Variants in HCFC2 observed in about 807,000 individuals in gnomAD.
HCFC2 encodes host cell factor C2.
In HCFC2, 18 loss-of-function variants were observed where a neutral mutation model predicts 89.2. The ratio of observed to expected loss-of-function variants is 0.20; its 90% CI spans 0.14 to 0.30. The LOEUF (loss-of-function observed/expected upper bound fraction) is 0.30, where lower values mean the gene tolerates loss of function less well. HCFC2 is among the 10% of genes least tolerant of loss of function. The pLI, the probability that HCFC2 is intolerant of heterozygous loss-of-function variation, is 1.00. For missense variants in HCFC2, 578 were observed against 956.1 expected (o/e 0.60, Z 5.21); for synonymous variants, 308 against 335.7 (o/e 0.92, Z 0.90).
rs1417398144 is a variant in HCFC2 at position 104,095,178 on chromosome 12, T to A, written c.1463-182T>A. On this transcript the variant is annotated intron_variant, in intron 10 of 14. Transcript: ENST00000229330. The surrounding 1 kb of genome is among the most constrained non-coding windows in gnomAD (Gnocchi z 4.2). The stretch of plus-strand genomic sequence containing the variant: ...TAAAAAGTTGGATATCCATTATGGA[T>A]ATAATGCACTTTATTTTTCTAAACA... Among the ~76,000 whole-genome samples the A allele has an allele frequency of 6.6e-6, 1 of 152,174 alleles. No individual in the cohort carries two copies. Among genetic ancestry groups the A allele is most frequent in the Non-Finnish European group, 1.5e-5 (1 of 68,020 alleles).
rs184476139 is a variant in HCFC2 at position 104,093,400 on chromosome 12, A to G, written c.1299A>G (p.Ile433Met). The G allele has an allele frequency of 6.8e-5, 110 of 1,612,130 alleles. No individual in the cohort carries two copies. Among genetic ancestry groups the G allele is most frequent in the Non-Finnish European group, 3.3e-5 (39 of 1,178,990 alleles). Reference protein sequence around the residue: ...NIVPNSINDTINSTKTEQPAT... With the variant: ...NIVPNSINDTMNSTKTEQPAT... The stretch of plus-strand genomic sequence containing the variant: ...ATTTCTTGTAGATCAATGATACAAT[A>G]AACAGCACAAAAACTGAACAGCCAG... The change falls in exon 10 of 15, where the codon ATA becomes ATG. Residue 433 changes from isoleucine to methionine, a missense_variant. Physicochemically the swap from Ile to Met is conservative, Grantham distance 10. This residue lies in a region of HCFC2 where 210 missense variants were observed against 251.7 expected (regional missense o/e 0.83). Transcript: ENST00000229330.
At chr12:104,070,865 C>A (rs1021278474) in intron 3 of HCFC2, among the ~76,000 whole-genome samples, 3 of 138,802 alleles carry the variant, frequency 2.2e-5, no homozygotes, top group African/African-American at 8.1e-5. Context: ...AGTATAGTGG[C>A]GCGATCTCAG....
intron 2 of HCFC2, among the ~76,000 whole-genome samples, chr12:104,066,617 A>G (rs535003972): frequency 1.3e-5 from 2 of 152,326 alleles, no homozygotes; most frequent in East Asian, 3.9e-4. Flanking sequence ...TCAGTTGTAC[A>G]TGTTATATAT....
At chr12:104,084,073 T>C (rs1883761393) in intron 7 of HCFC2, among the ~76,000 whole-genome samples, 1 of 152,188 alleles carries the variant, frequency 6.6e-6, no homozygotes, top group Non-Finnish European at 1.5e-5. Flanking sequence ...TTTAAAAATG[T>C]GTACCTCACA....
At chr12:104,065,837 G>A (rs1398191674) in intron 1 of HCFC2, among the ~76,000 whole-genome samples, 1 of 152,162 alleles carries the variant, frequency 6.6e-6, no homozygotes, top group African/African-American at 2.4e-5. Context: ...CGTTTTGTAA[G>A]AATTAAATGA....
chr12:104,079,498 G>T lies in HCFC2; in HGVS notation c.527G>T (p.Gly176Val). Residue 176 changes from glycine (G) to valine (V), a missense_variant, in exon 4 of 15, where the codon GGT (glycine) becomes GTT (valine). By Grantham distance (109) the Gly-to-Val change is moderately radical. Transcript: ENST00000229330. ...CTACAGCATGGCTCTGGTGTTGTGG[G>T]TTGGAGCATTCCAGTGACTAAAGGG... ...LELQHGSGVVGWSIPVTKGVV... is the reference protein window; with the variant it reads ...LELQHGSGVVVWSIPVTKGVV... 1 of 1,614,144 alleles carries T rather than the reference G, an allele frequency of 6.2e-7. No homozygotes were observed. The highest frequency in any genetic ancestry group is 8.5e-7 in the Non-Finnish European group (1 of 1,179,998).
At chr12:104,089,007 T>C (rs1281459059) in intron 9 of HCFC2, among the ~76,000 whole-genome samples, 3 of 152,162 alleles carry the variant, frequency 2.0e-5, no homozygotes, top group Admixed American at 6.5e-5. Context: ...TGCACAGTTG[T>C]CCTTCTGTAT....
intron 3 of HCFC2, among the ~76,000 whole-genome samples, chr12:104,074,440 G>A (rs986800952): frequency 3.3e-5 from 5 of 152,192 alleles, no homozygotes; most frequent in African/African-American, 1.2e-4. Context: ...GATTACAGGC[G>A]TGAGCCGCCA....
chr12:104,088,514 GTTCT>G (rs1362463656), intron 9 of HCFC2, among the ~76,000 whole-genome samples: 2 of 152,176 alleles, frequency 1.3e-5, no homozygotes, highest in Non-Finnish European at 2.9e-5. Context: ...CACTTGTGAG[GTTCT>G]TTCTTGTTTA....
At chr12:104,072,385 A>AT (rs1883348867) in intron 3 of HCFC2, among the ~76,000 whole-genome samples, 1 of 150,022 alleles carries the variant, frequency 6.7e-6, no homozygotes, top group Non-Finnish European at 1.5e-5. Flanking sequence ...AAAAAAAAAA[A>AT]GTAAAATTTG....
At chr12:104,066,534 C>G (rs1386881774) in intron 2 of HCFC2, among the ~76,000 whole-genome samples, 1 of 152,170 alleles carries the variant, frequency 6.6e-6, no homozygotes, top group African/African-American at 2.4e-5. Context: ...ACTTAAAACC[C>G]AAAGTTTCCT....
chr12:104,091,977 A>G (rs1735155620), intron 9 of HCFC2, among the ~76,000 whole-genome samples: 1 of 152,230 alleles, frequency 6.6e-6, no homozygotes, highest in South Asian at 2.1e-4. Context: ...AGGGCATATT[A>G]TAGACAAGTA....
intron 3 of HCFC2, among the ~76,000 whole-genome samples, chr12:104,070,800 A>C (rs945842365): frequency 2.1e-5 from 3 of 140,986 alleles, no homozygotes; most frequent in Admixed American, 7.3e-5. Flanking sequence ...GATACTTTTT[A>C]CTTTTTTTTT....
chr12:104,064,713 C>T lies in HCFC2; in HGVS notation c.153C>T (p.Val51=). The T allele has an allele frequency of 1.3e-6, 2 of 1,561,410 alleles. No homozygotes were observed. The highest frequency in any genetic ancestry group is 1.2e-5 in the South Asian group (1 of 85,848). The change falls in exon 1 of 15, where the codon GTC becomes GTT. Residue 51 remains valine, a synonymous_variant. Transcript: ENST00000229330. The surrounding 1 kb of genome is among the most constrained non-coding windows in gnomAD (Gnocchi z 7.3). ...GNEGIADELH[V]YNTATNQWFL... The stretch of plus-strand genomic sequence containing the variant: ...AGGGCATCGCGGATGAGCTGCACGT[C>T]TACAACACGGGTAGGCGCGGCGGCG...
At chr12:104,091,966 C>G (rs1295439934) in intron 9 of HCFC2, among the ~76,000 whole-genome samples, 1 of 152,114 alleles carries the variant, frequency 6.6e-6, no homozygotes, top group Non-Finnish European at 1.5e-5. Context: ...AGGGCAAGCA[C>G]AGGGCATATT....
chr12:104,076,963 T>A (rs1224901646), intron 3 of HCFC2, among the ~76,000 whole-genome samples: 1 of 152,200 alleles, frequency 6.6e-6, no homozygotes, highest in Non-Finnish European at 1.5e-5. Context: ...CATATGTATA[T>A]GTATATGTGT....
intron 9 of HCFC2, among the ~76,000 whole-genome samples, chr12:104,090,113 G>A (rs1008470830): frequency 5.9e-5 from 9 of 151,318 alleles, no homozygotes; most frequent in South Asian, 2.1e-4. Context: ...CCTTTATTTC[G>A]TTGCAACCCC....
chr12:104,082,119 C>G (rs1006938392), intron 5 of HCFC2, among the ~76,000 whole-genome samples: 17 of 152,108 alleles, frequency 1.1e-4, no homozygotes, highest in African/African-American at 4.1e-4. Flanking sequence ...AAATTTAATC[C>G]TCTTCGGTTA....
rs1385183732 is a variant in HCFC2 at position 104,082,500 on chromosome 12, G to A, written c.768G>A (p.Lys256=). The A allele has an allele frequency of 6.3e-7, 1 of 1,581,446 alleles. No homozygotes were observed. Among genetic ancestry groups the A allele is most frequent in the Non-Finnish European group, 8.7e-7 (1 of 1,150,568 alleles). The change falls in exon 6 of 15, where the codon AAG becomes AAA. Residue 256 remains lysine (K), a splice_region_variant and synonymous_variant. Coordinates refer to ENST00000229330, the MANE Select transcript of HCFC2 (RefSeq NM_013320.3). ...ATGTTTTTGTTTTGTTGTTGCTCAG[G>A]ATGTACATTTTTGGTGGATGGGTCC... ...SLHTASVIGN[K]MYIFGGWVPH... is the part of the protein sequence containing the mutation.
Sources: allele counts gnomAD v4.1 joint callset (sites outside exome capture counted in the v4.1 genomes callset), GRCh38; gene constraint gnomAD v4.1.1; regional missense constraint gnomAD v4.1.1; non-coding constraint Gnocchi (gnomAD v3.1); transcripts MANE v1.5; gene names NCBI Gene and HGNC (gene_info 2026-07-23, HGNC 2026-07-21).